Variants in ERC2 observed in about 807,000 individuals in gnomAD.
ERC2 encodes the protein ELKS/RAB6-interacting/CAST family member 2.
A neutral mutation model predicts 114.8 loss-of-function variants in ERC2; 42 were observed. The ratio of observed to expected loss-of-function variants is 0.37; its 90% confidence interval spans 0.29 to 0.47. ERC2 has a LOEUF of 0.47. Among genes scored for constraint, ERC2 ranks in the 20% least tolerant of loss-of-function variants. The pLI is 0.99. For synonymous variants in ERC2, 454 were observed against 425.5 expected (o/e 1.07, Z -0.82); for missense variants, 939 against 1,150.7 (o/e 0.82, Z 2.66).
chr3:55,530,862 C>A (rs2053621378), intron 17 of ERC2, among the ~76,000 whole-genome samples: 1 of 152,158 alleles, frequency 6.6e-6, no homozygotes, highest in African/African-American at 2.4e-5. Flanking sequence ...GGGTGGGCAT[C>A]CCCCCTCCAC....
At chr3:55,810,510 C>T (rs1358361310) in intron 14 of ERC2, among the ~76,000 whole-genome samples, 4 of 149,312 alleles carry the variant, frequency 2.7e-5, no homozygotes, top group South Asian at 2.1e-4. Flanking sequence ...GTTGCCCAGC[C>T]GAAATGCAAT....
chr3:55,954,809 A>G (rs1576346026), intron 12 of ERC2, among the ~76,000 whole-genome samples: 1 of 152,246 alleles, frequency 6.6e-6, no homozygotes, highest in East Asian at 1.9e-4. Context: ...CCCTTCTTCT[A>G]GTAAAACAGC....
intron 7 of ERC2, among the ~76,000 whole-genome samples, chr3:56,064,508 C>A (rs1459085923): frequency 1.3e-5 from 2 of 152,194 alleles, no homozygotes; most frequent in African/African-American, 4.8e-5. Context: ...CAAGCACATC[C>A]TGTTTGCTTA....
intron 16 of ERC2, among the ~76,000 whole-genome samples, chr3:55,694,701 T>A (rs1262843805): frequency 2.0e-5 from 3 of 152,194 alleles, no homozygotes; most frequent in Non-Finnish European, 4.4e-5. Flanking sequence ...ATATTTAGGT[T>A]CTTTGCCATT....
chr3:56,309,645 A>C (rs2056425449), intron 2 of ERC2, among the ~76,000 whole-genome samples: 1 of 152,218 alleles, frequency 6.6e-6, no homozygotes, highest in African/African-American at 2.4e-5. Context: ...TACTCTGAGC[A>C]TCAGGCTACT....
chr3:55,863,906 T>C (rs1284078337), intron 14 of ERC2, among the ~76,000 whole-genome samples: 1 of 151,558 alleles, frequency 6.6e-6, no homozygotes, highest in African/African-American at 2.4e-5. Flanking sequence ...AATAGCCACA[T>C]ATGGCTCATG....
intron 17 of ERC2, among the ~76,000 whole-genome samples, chr3:55,677,324 T>G (rs916665836): frequency 6.6e-6 from 1 of 152,122 alleles, no homozygotes; most frequent in Non-Finnish European, 1.5e-5. Flanking sequence ...GTAAACATGC[T>G]TTAAGTAAGG....
chr3:55,783,982 G>T (rs931347923), intron 14 of ERC2, among the ~76,000 whole-genome samples: 7 of 152,154 alleles, frequency 4.6e-5, no homozygotes, highest in African/African-American at 1.4e-4. Flanking sequence ...TTTCTAAAAA[G>T]TAATTTCAGA....
At chr3:55,954,481 C>G (rs1039201162) in intron 12 of ERC2, among the ~76,000 whole-genome samples, 2 of 152,194 alleles carry the variant, frequency 1.3e-5, no homozygotes, top group African/African-American at 4.8e-5. Flanking sequence ...GAGAACGTGT[C>G]AGACTCTGAG....
rs181270092 is a variant in ERC2, at chr3:56,311,577, G to C, written c.658-15142C>G. ...GCCTTCTAAAGTGATGGGATTACAG[G>C]CTTGAGCCACAGCGCCTGGCCAATA... On this transcript the variant is annotated intron_variant, in intron 2 of 17. Transcript: ENST00000288221. 1.1e-4 allele frequency among the ~76,000 whole-genome samples: 17 copies of C among 151,866 alleles called. No homozygotes were observed. The East Asian group carries it at 3.3e-3, about 29-fold the overall frequency.
At chr3:56,372,746 G>T (rs1199467306) in intron 2 of ERC2, among the ~76,000 whole-genome samples, 1 of 151,954 alleles carries the variant, frequency 6.6e-6, no homozygotes, top group Non-Finnish European at 1.5e-5. Context: ...AGAAAGAAAA[G>T]AAAAGAAAAT....
intron 15 of ERC2, among the ~76,000 whole-genome samples, chr3:55,710,605 G>A (rs1388454494): frequency 2.0e-5 from 3 of 152,180 alleles, no homozygotes; most frequent in African/African-American, 7.2e-5. Context: ...CTGTGACCCT[G>A]AAGTTGAAAT....
Position 56,173,520 on chromosome 3 carries a change from C to T in ERC2, c.1075G>A (p.Glu359Lys). ...KEKENIHLRE[E>K]LHRRSQLQPE... is the part of the protein sequence containing the mutation. ...TGAAGTTGGCTTCTTCGGTGCAATT[C>T]CTGGGGAGGAACACGATAGAAATAA... The change falls in exon 4 of 18, where the codon GAA becomes AAA. Residue 359 changes from glutamate (E) to lysine (K), a missense_variant and splice_region_variant. Transcript: ENST00000288221. 1 of 1,613,814 alleles carries T rather than the reference C, an allele frequency of 6.2e-7. No homozygotes were observed. Among genetic ancestry groups the T allele is most frequent in the Non-Finnish European group, 8.5e-7 (1 of 1,179,792 alleles).
At chr3:56,131,373 T>A (rs1035675617) in intron 6 of ERC2, among the ~76,000 whole-genome samples, 1 of 152,202 alleles carries the variant, frequency 6.6e-6, no homozygotes, top group Non-Finnish European at 1.5e-5. Flanking sequence ...CCTTAATTGA[T>A]TAGTTTTAAA....
chr3:55,588,259 C>T (rs2057696556), intron 17 of ERC2, among the ~76,000 whole-genome samples: 1 of 151,960 alleles, frequency 6.6e-6, no homozygotes, highest in Non-Finnish European at 1.5e-5. Context: ...TGTTCACAGT[C>T]CCCAACCCCT....
chr3:55,911,035 C>T (rs2064769416), intron 13 of ERC2, among the ~76,000 whole-genome samples: 2 of 152,196 alleles, frequency 1.3e-5, no homozygotes, highest in South Asian at 2.1e-4. Context: ...CTTTCCCTCC[C>T]TCCCTGCGCT....
At chr3:56,176,698 G>A (rs983344334) in intron 3 of ERC2, among the ~76,000 whole-genome samples, 14 of 152,064 alleles carry the variant, frequency 9.2e-5, no homozygotes, top group African/African-American at 2.9e-4. Context: ...CAGACAACAT[G>A]GACTGTCTGA....
intron 12 of ERC2, among the ~76,000 whole-genome samples, chr3:55,965,424 G>A (rs1010692106): frequency 6.6e-5 from 10 of 152,120 alleles, no homozygotes; most frequent in Non-Finnish European, 1.2e-4. Context: ...TGCCCTATTG[G>A]ACAGCACAGA....
chr3:55,960,204 A>C (rs2068262219), intron 12 of ERC2, among the ~76,000 whole-genome samples: 1 of 152,188 alleles, frequency 6.6e-6, no homozygotes, highest in African/African-American at 2.4e-5. Flanking sequence ...GTTGGCATAC[A>C]ATCTTCCAAC....
Sources: allele counts gnomAD v4.1 joint callset (sites outside exome capture counted in the v4.1 genomes callset), GRCh38; gene constraint gnomAD v4.1.1; transcripts MANE v1.5; gene names NCBI Gene and HGNC (gene_info 2026-07-23, HGNC 2026-07-21).